The following FRMD4B variants were observed in gnomAD, a reference collection of about 807,000 sequenced individuals.
FRMD4B encodes the protein FERM domain containing 4B.
A neutral mutation model predicts 141.5 loss-of-function variants in FRMD4B; 74 were observed. The ratio of observed to expected loss-of-function variants is 0.52; its 90% CI spans 0.43 to 0.63. The LOEUF is 0.63. FRMD4B is among the 30% of genes least tolerant of loss of function. The probability of loss-of-function intolerance (pLI) is 0.00; values close to 1 mark genes in which losing one functional copy is unlikely to be tolerated. For synonymous variants in FRMD4B, 506 were observed against 467.9 expected (o/e 1.08, Z -1.05); for missense variants, 1,366 against 1,253.4 (o/e 1.09, Z -1.36).
At chr3:69,276,440 T>A (rs1485563765) in intron 5 of FRMD4B, among the ~76,000 whole-genome samples, 1 of 151,894 alleles carries the variant, frequency 6.6e-6, no homozygotes, top group African/African-American at 2.4e-5. Context: ...GCCTGGCTAA[T>A]TTTTTTTATG....
chr3:69,423,221 C>A (rs189140251), intron 2 of FRMD4B, among the ~76,000 whole-genome samples: 3 of 152,270 alleles, frequency 2.0e-5, no homozygotes, highest in Admixed American at 2.0e-4. Flanking sequence ...CAATCATAGC[C>A]CACTGCAGCC....
intron 11 of FRMD4B, among the ~76,000 whole-genome samples, chr3:69,201,564 T>C (rs1447361743): frequency 6.6e-6 from 1 of 152,236 alleles, no homozygotes; most frequent in African/African-American, 2.4e-5. Context: ...TTTTAATTAT[T>C]TTCAATGTTT....
intron 2 of FRMD4B, among the ~76,000 whole-genome samples, chr3:69,419,354 T>A (rs2106802714): frequency 6.6e-6 from 1 of 152,280 alleles, no homozygotes; most frequent in Admixed American, 6.5e-5. Flanking sequence ...AGCTCTCAGC[T>A]CCCTTTCCTC....
In FRMD4B at chr3:69,181,530, A is replaced by G. The variant is rs1348914966; in HGVS notation, c.2220T>C (p.Tyr740=). ...GGCCGGTAACTGGTGTCACACAGTA[A>G]TACTCTGTGCTTGATTGGCTTGTAT... is the stretch of plus-strand genomic sequence containing the variant. ...SSYTSQSSTE[Y]YCVTPVTGPY... The change falls in exon 21 of 23, where the codon TAT becomes TAC. Residue 740 remains tyrosine (Y), a synonymous_variant. Transcript: ENST00000398540. 1 of 1,613,682 alleles carries G rather than the reference A, an allele frequency of 6.2e-7. No individual in the cohort carries two copies. The highest frequency in any genetic ancestry group is 2.2e-5 in the East Asian group (1 of 44,862).
intron 1 of FRMD4B, among the ~76,000 whole-genome samples, chr3:69,434,776 T>C (rs1394491398): frequency 6.6e-6 from 1 of 152,124 alleles, no homozygotes; most frequent in Non-Finnish European, 1.5e-5. Flanking sequence ...TCTCAATGAG[T>C]TGGGGTAGAT....
chr3:69,455,411 C>G (rs1043483991), intron 1 of FRMD4B, among the ~76,000 whole-genome samples: 2 of 152,226 alleles, frequency 1.3e-5, no homozygotes, highest in Admixed American at 6.5e-5. Flanking sequence ...AGCTTCTCAT[C>G]TGAGAACAGT....
At chr3:69,283,386 A>AAACAACAACAAC (rs368314624) in intron 5 of FRMD4B, among the ~76,000 whole-genome samples, 4 of 135,138 alleles carry the variant, frequency 3.0e-5, no homozygotes, top group South Asian at 2.6e-4. Flanking sequence ...CTCCATCTCA[A>AAACAACAACAAC]AACAACAACA....
chr3:69,264,506 A>G (rs879234621), intron 5 of FRMD4B, among the ~76,000 whole-genome samples: 1 of 152,170 alleles, frequency 6.6e-6, no homozygotes, highest in Non-Finnish European at 1.5e-5. Context: ...GCTCAGAGTA[A>G]GGGATCCCAG....
intron 1 of FRMD4B, among the ~76,000 whole-genome samples, chr3:69,471,179 GT>G (rs551330238): frequency 1.9e-3 from 289 of 152,254 alleles, no homozygotes; most frequent in African/African-American, 6.6e-3. Flanking sequence ...TTTTTTCAAA[GT>G]TTAATTCCTT....
rs765070188 is a variant in FRMD4B at position 69,222,036 on chromosome 3, A to G, written c.666-113T>C. 911 of 687,324 alleles carry G rather than the reference A, an allele frequency of 1.3e-3. 2 individuals carry two copies. The highest frequency in any genetic ancestry group is 2.1e-3 in the Non-Finnish European group (784 of 371,762). 42.6% of individuals were successfully genotyped at this position (687,324 alleles called of 1,614,324 possible). On this transcript the variant is annotated intron_variant, in intron 8 of 22. Coordinates refer to ENST00000398540, the MANE Select transcript of FRMD4B (RefSeq NM_015123.3). ...AACTTGAGAGAGAAAGCCTTCACCA[A>G]CTTGTTTGGTAGATAGAGTTTGGCT... is the stretch of plus-strand genomic sequence containing the variant.
Position 69,494,800 on chromosome 3 carries a change from G to A in FRMD4B, c.-129+47406C>T, listed in dbSNP as rs143964148. Reference sequence around the variant, plus strand: ...CCAGCTACTTGGGAGGCTGAGGCAGGAGAATTGCTTGAACCCGGGAGGCAG... The same window carrying A: ...CCAGCTACTTGGGAGGCTGAGGCAGAAGAATTGCTTGAACCCGGGAGGCAG... On this transcript the variant is annotated intron_variant, in intron 1 of 5. Transcript: ENST00000459638. Among the ~76,000 whole-genome samples, 1,515 of 152,218 alleles carry A rather than the reference G, an allele frequency of 1.0e-2. 29 individuals carry two copies. Among genetic ancestry groups the A allele is most frequent in the African/African-American group, 0.035 (1,451 of 41,530 alleles).
intron 1 of FRMD4B, among the ~76,000 whole-genome samples, chr3:69,464,396 T>C (rs17367084): frequency 0.22 from 32,701 of 152,094 alleles, 3,999 homozygotes; most frequent in Non-Finnish European, 0.29. Context: ...CCCTTACCCA[T>C]AGACTGTCTG....
chr3:69,534,118 CA>C (rs1701046898), intron 1 of FRMD4B, among the ~76,000 whole-genome samples: 1 of 152,188 alleles, frequency 6.6e-6, no homozygotes, highest in Non-Finnish European at 1.5e-5. Flanking sequence ...TTGTGTGCAC[CA>C]AGTTCAGGAA....
intron 2 of FRMD4B, among the ~76,000 whole-genome samples, chr3:69,427,329 TG>T (rs1297175495): frequency 6.7e-6 from 1 of 148,728 alleles, no homozygotes; most frequent in African/African-American, 2.4e-5. Flanking sequence ...TTAATATACC[TG>T]TTTTTTTGGC....
intron 19 of FRMD4B, among the ~76,000 whole-genome samples, chr3:69,185,569 AC>A (rs1044916078): frequency 6.6e-6 from 1 of 152,070 alleles, no homozygotes; most frequent in African/African-American, 2.4e-5. Flanking sequence ...CTAGGTTCAA[AC>A]CTTGATTCCC....
At chr3:69,528,200 T>C (rs1427127689) in intron 1 of FRMD4B, among the ~76,000 whole-genome samples, 2 of 152,184 alleles carry the variant, frequency 1.3e-5, no homozygotes, top group Non-Finnish European at 2.9e-5. Context: ...TGGGACTCAA[T>C]GGCAAGGACT....
intron 1 of FRMD4B, among the ~76,000 whole-genome samples, chr3:69,496,255 T>C (rs1366075758): frequency 6.6e-6 from 1 of 152,190 alleles, no homozygotes; most frequent in African/African-American, 2.4e-5. Context: ...GCTTTGAAAT[T>C]TGTTAATACT....
At chr3:69,208,175 T>G (rs2093042243) in intron 11 of FRMD4B, among the ~76,000 whole-genome samples, 1 of 152,156 alleles carries the variant, frequency 6.6e-6, no homozygotes, top group Admixed American at 6.5e-5. Flanking sequence ...GCAATTCTCC[T>G]GCCTCAGCCT....
chr3:69,307,129 CT>C (rs1376289982), intron 3 of FRMD4B, among the ~76,000 whole-genome samples: 1 of 152,088 alleles, frequency 6.6e-6, no homozygotes, highest in Non-Finnish European at 1.5e-5. Flanking sequence ...AAAAGAGACT[CT>C]GCCGTCACTT....
Sources: gnomAD v4.1 joint callset for allele counts (sites outside exome capture counted in the v4.1 genomes callset) on GRCh38, gnomAD v4.1.1 for gene constraint, MANE v1.5 for transcripts, NCBI Gene and HGNC (gene_info 2026-07-23, HGNC 2026-07-21) for gene names.